PCM1: variants seen among roughly 807,000 people sequenced by gnomAD.
PCM1 encodes pericentriolar material 1, also known as pericentriolar material 1 protein.
A neutral mutation model predicts 241.9 loss-of-function variants in PCM1; 157 were observed. That is an observed-to-expected ratio of 0.65 (90% CI 0.57 to 0.74). PCM1 has a LOEUF of 0.74. Ranked by LOEUF, PCM1 falls within the 30% of genes least tolerant of loss-of-function variation. PCM1 has a pLI of 0.00. For missense variants in PCM1, 3,478 were observed against 2,360.1 expected, an observed-to-expected ratio of 1.47 and a Z score of -9.81; for synonymous variants, 1,085 against 784.9, an observed-to-expected ratio of 1.38 and a Z score of -6.39.
intron 2 of PCM1, among the ~76,000 whole-genome samples, chr8:17,934,087 G>C (rs145892326): frequency 6.6e-6 from 1 of 151,852 alleles, no homozygotes; most frequent in South Asian, 2.1e-4. Context: ...TATATAATTT[G>C]TTAAAGTAAT....
intron 32 of PCM1, 85 bp from the exon 33 acceptor site, chr8:18,011,152 G>T (rs2092440410): frequency 3.6e-6 from 3 of 833,826 alleles, no homozygotes; most frequent in Middle Eastern, 3.2e-4. Context: ...ATTAGATAAT[G>T]ATCATTATTA....
chr8:18,011,106 A>C, intron 32 of PCM1, 131 bp from the exon 33 acceptor site: 1 of 563,438 alleles, frequency 1.8e-6, no homozygotes, highest in South Asian at 5.8e-5. Context: ...TTTAAAAATA[A>C]AACTAGACTA....
At chr8:17,955,354 C>A in intron 9 of PCM1, 116 bp from the exon 10 acceptor site, 1 of 652,282 alleles carries the variant, frequency 1.5e-6, no homozygotes, top group Non-Finnish European at 2.5e-6. Context: ...TTTAAATCTG[C>A]AGAAATTAAG....
At chr8:17,927,816 T>A (rs2057571763) in intron 2 of PCM1, 1 of 147,496 alleles carries the variant, frequency 6.8e-6, no homozygotes, top group Non-Finnish European at 1.5e-5. Flanking sequence ...CCCTAAGTCC[T>A]GGGATTACAA....
chr8:18,008,275 C>G (rs1318047690), intron 30 of PCM1, among the ~76,000 whole-genome samples: 1 of 151,986 alleles, frequency 6.6e-6, no homozygotes, highest in Non-Finnish European at 1.5e-5. Flanking sequence ...CTGTGAACTG[C>G]ACGTGTGAGG....
At chr8:17,983,207 A>T in intron 24 of PCM1, 1 of 1,272,934 alleles carries the variant, frequency 7.9e-7, no homozygotes, top group Non-Finnish European at 1.0e-6. Flanking sequence ...TTTTATGTTC[A>T]TCCTTATGTC....
chr8:17,978,847 A>G (rs2079664014), intron 23 of PCM1, among the ~76,000 whole-genome samples: 1 of 152,238 alleles, frequency 6.6e-6, no homozygotes. Context: ...AGAATTCTAG[A>G]CTATCAACAC....
intron 2 of PCM1, among the ~76,000 whole-genome samples, chr8:17,931,392 G>C (rs2129447411): frequency 6.6e-6 from 1 of 151,932 alleles, no homozygotes. Flanking sequence ...GGGTTCAATT[G>C]ATTCTTCTGC....
chr8:18,017,511 C>T (rs1462987713), intron 36 of PCM1, among the ~76,000 whole-genome samples: 3 of 152,168 alleles, frequency 2.0e-5, no homozygotes, highest in Non-Finnish European at 4.4e-5. Flanking sequence ...GACCAGTCCT[C>T]TAATGGACCT....
chr8:18,013,076 A>T (rs761721213), intron 34 of PCM1, among the ~76,000 whole-genome samples: 7 of 152,118 alleles, frequency 4.6e-5, no homozygotes, highest in Non-Finnish European at 8.8e-5. Context: ...GCATATTCCT[A>T]CAAACTTCTA....
chr8:17,963,458 C>G (rs2073457902), intron 17 of PCM1, among the ~76,000 whole-genome samples, 167 bp downstream of exon 17: 1 of 152,228 alleles, frequency 6.6e-6, no homozygotes. Flanking sequence ...AATCCAGCCA[C>G]TTTCTGTTCT....
intron 24 of PCM1, among the ~76,000 whole-genome samples, chr8:17,982,371 A>G (rs568654995): frequency 6.6e-6 from 1 of 152,348 alleles, no homozygotes; most frequent in East Asian, 1.9e-4. Context: ...TAATAATTGG[A>G]CATAGTACTT....
In PCM1 at chr8:17,957,239, C is replaced by T. The variant is rs367747445; in HGVS notation, c.1647-25C>T. On this transcript the variant is annotated intron_variant, in intron 11 of 38. Coordinates refer to ENST00000325083, the MANE Select transcript of PCM1 (RefSeq NM_006197.4). ...CTCTCTTTTTTTGTGCCTTAAATGA[C>T]TTCAGGCTGTTTTCTTTCTTCTAGA... 232 of 1,559,100 alleles carry T rather than the reference C, an allele frequency of 1.5e-4. 1 individual carries two copies. The African/African-American group carries it at 2.6e-3, about 18-fold the overall frequency.
At position 17,966,025 on chromosome 8, in the gene PCM1, C is replaced by G; in HGVS notation, c.2882C>G (p.Ala961Gly). Reference sequence around the variant, plus strand: ...TGGAAGAACAATTGCCCTTTTTCGGCAGATGAAAATTATCGTCCTTTAGCC... The same window carrying G: ...TGGAAGAACAATTGCCCTTTTTCGGGAGATGAAAATTATCGTCCTTTAGCC... ...NRWKNNCPFSADENYRPLAKT... is the reference protein window; with the variant it reads ...NRWKNNCPFSGDENYRPLAKT... The change falls in exon 19 of 39, where the codon GCA becomes GGA. Residue 961 changes from alanine to glycine, a missense_variant. Coordinates refer to ENST00000325083, the MANE Select transcript of PCM1 (RefSeq NM_006197.4). 6.2e-7 allele frequency: 1 copy of G among 1,609,964 alleles called. No homozygotes were observed. Among genetic ancestry groups the G allele is most frequent in the Non-Finnish European group, 8.5e-7 (1 of 1,178,018 alleles).
chr8:17,941,362 A>G (rs1368041008), intron 6 of PCM1, among the ~76,000 whole-genome samples: 1 of 152,178 alleles, frequency 6.6e-6, no homozygotes, highest in Non-Finnish European at 1.5e-5. Context: ...TTGACTAATA[A>G]CATGTAGCAG....
At chr8:17,947,493 T>G in intron 7 of PCM1, 130 bp downstream of exon 7, 8 of 665,318 alleles carry the variant, frequency 1.2e-5, no homozygotes, top group Non-Finnish European at 1.7e-5. Context: ...ATATGAGGCT[T>G]ATACTTTCCT....
At chr8:17,960,270 C>A in intron 14 of PCM1, 45 bp from the exon 15 acceptor site, 2 of 1,577,990 alleles carry the variant, frequency 1.3e-6, no homozygotes, top group Non-Finnish European at 1.7e-6. Context: ...AATGCTTCAT[C>A]ACATTTTATT....
intron 23 of PCM1, among the ~76,000 whole-genome samples, chr8:17,976,520 A>G (rs900171820): frequency 1.3e-5 from 2 of 152,290 alleles, no homozygotes; most frequent in South Asian, 2.1e-4. Context: ...CCATATAGCA[A>G]CTTCTCACAA....
At chr8:17,987,419 T>C (rs1296326146) in intron 26 of PCM1, among the ~76,000 whole-genome samples, 1 of 151,820 alleles carries the variant, frequency 6.6e-6, no homozygotes, top group Non-Finnish European at 1.5e-5. Flanking sequence ...CAGGCAGCAT[T>C]ACTTCCATTT....
Sources: gnomAD v4.1 joint callset for allele counts (sites outside exome capture counted in the v4.1 genomes callset) on GRCh38, gnomAD v4.1.1 for gene constraint, MANE v1.5 for transcripts, NCBI Gene and HGNC (gene_info 2026-07-23, HGNC 2026-07-21) for gene names.